Variants in PLEKHG1 observed in about 807,000 individuals in gnomAD.
PLEKHG1 encodes pleckstrin homology and RhoGEF domain containing G1, also known as pleckstrin homology domain-containing family G member 1.
Under a neutral mutation model 100.8 loss-of-function variants are expected in PLEKHG1, and 44 were observed. The ratio of observed to expected loss-of-function variants is 0.44; its 90% CI spans 0.34 to 0.56. The LOEUF (loss-of-function observed/expected upper bound fraction) is 0.56. Ranked by LOEUF, PLEKHG1 falls within the 20% of genes least tolerant of loss-of-function variation. PLEKHG1 has a pLI of 0.01. For synonymous variants in PLEKHG1, 640 were observed against 662.5 expected, an observed-to-expected ratio of 0.97 and a Z score of 0.52; for missense variants, 1,545 against 1,720.9, an observed-to-expected ratio of 0.90 and a Z score of 1.81.
At chr6:150,741,325 T>G (rs1400049251) in intron 2 of PLEKHG1, among the ~76,000 whole-genome samples, 4 of 152,182 alleles carry the variant, frequency 2.6e-5, no homozygotes, top group Non-Finnish European at 5.9e-5. Flanking sequence ...TGATGTCAGG[T>G]TGGGTTATTT....
intron 2 of PLEKHG1, among the ~76,000 whole-genome samples, chr6:150,736,273 G>A (rs1232697358): frequency 6.6e-6 from 1 of 152,238 alleles, no homozygotes; most frequent in South Asian, 2.1e-4. Flanking sequence ...CTGTCAGATG[G>A]GACTAATAAG....
In PLEKHG1 at chr6:150,795,838, T is replaced by C. The variant is rs1482833326; in HGVS notation, c.583-18T>C. ...TTGTGCTTTGTTGCCTATAAAAATT[T>C]CTTTTGTTTCCTTGCAGAGTGAAGA... is the stretch of plus-strand genomic sequence containing the variant. On this transcript the variant is annotated intron_variant, in intron 4 of 15. Coordinates refer to ENST00000358517, the Ensembl canonical transcript of PLEKHG1. 2 of 1,542,232 alleles carry C rather than the reference T, an allele frequency of 1.3e-6. No individual in the cohort carries two copies. The highest frequency in any genetic ancestry group is 1.8e-6 in the Non-Finnish European group (2 of 1,116,422).
At chr6:150,654,412 G>A (rs1034504254) in intron 3 of PLEKHG1, among the ~76,000 whole-genome samples, 3 of 152,152 alleles carry the variant, frequency 2.0e-5, no homozygotes, top group African/African-American at 7.2e-5. Flanking sequence ...ATGCGGCAGC[G>A]CTCTTCCCTG....
At chr6:150,744,064 T>C (rs2128624291) in intron 2 of PLEKHG1, among the ~76,000 whole-genome samples, 1 of 152,304 alleles carries the variant, frequency 6.6e-6, no homozygotes, top group African/African-American at 2.4e-5. Flanking sequence ...TCTTACTTTT[T>C]ATTTTTTATT....
At chr6:150,652,750 G>A in intron 3 of PLEKHG1, among the ~76,000 whole-genome samples, 1 of 150,712 alleles carries the variant, frequency 6.6e-6, no homozygotes, top group East Asian at 1.9e-4. Flanking sequence ...AAAGGAAAAA[G>A]GTTTATACTT....
exon 16 of PLEKHG1, chr6:150,840,959 G>A: frequency 7.9e-7 from 1 of 1,258,772 alleles, no homozygotes; most frequent in South Asian, 1.2e-5. Context: ...TACAGATACT[G>A]ATGAGGTGTT....
chr6:150,756,619 G>A (rs536354983), intron 2 of PLEKHG1, among the ~76,000 whole-genome samples: 1 of 152,230 alleles, frequency 6.6e-6, no homozygotes, highest in South Asian at 2.1e-4. Context: ...ATTTTGAGGG[G>A]CATTACCAAT....
intron 1 of PLEKHG1, among the ~76,000 whole-genome samples, chr6:150,618,847 A>G (rs559342181): frequency 2.8e-4 from 42 of 152,282 alleles, no homozygotes; most frequent in African/African-American, 1.0e-3. Context: ...GGAAGTCAAG[A>G]TGGGGAGGAT....
intron 3 of PLEKHG1, among the ~76,000 whole-genome samples, chr6:150,771,160 C>T (rs556550723): frequency 6.2e-4 from 95 of 152,242 alleles, no homozygotes; most frequent in African/African-American, 2.3e-3. Context: ...CACCTGTAAT[C>T]CCAGCACTTT....
At chr6:150,807,100 C>T (rs1262884090) in intron 7 of PLEKHG1, among the ~76,000 whole-genome samples, 1 of 152,126 alleles carries the variant, frequency 6.6e-6, no homozygotes, top group African/African-American at 2.4e-5. Flanking sequence ...ATTATGGCCC[C>T]AAAGCACAGA....
At chr6:150,771,082 A>G (rs943690945) in intron 3 of PLEKHG1, among the ~76,000 whole-genome samples, 22 of 152,164 alleles carry the variant, frequency 1.4e-4, no homozygotes, top group African/African-American at 5.3e-4. Context: ...CTTAATCGCT[A>G]GAGTTTAAAT....
intron 1 of PLEKHG1, among the ~76,000 whole-genome samples, chr6:150,617,638 G>C (rs914111301): frequency 6.6e-6 from 1 of 152,134 alleles, no homozygotes; most frequent in African/African-American, 2.4e-5. Context: ...ATCTCTTTCC[G>C]GCTGCCGAAG....
intron 3 of PLEKHG1, among the ~76,000 whole-genome samples, chr6:150,770,112 G>T (rs1042930639): frequency 6.6e-6 from 1 of 152,226 alleles, no homozygotes; most frequent in African/African-American, 2.4e-5. Context: ...CACAGAGGAA[G>T]TACCAAAATA....
In PLEKHG1 at chr6:150,831,944, A is replaced by G; in HGVS notation, c.2833A>G (p.Asn945Asp). ...GGCTAGTGAAATGCCCCTCATGGAC[A>G]ATCCCTACGACCTGGCCAACAGTGG... The change falls in exon 15 of 16, where the codon AAT becomes GAT. Residue 945 changes from asparagine to aspartate, a missense_variant. Coordinates refer to ENST00000358517, the Ensembl canonical transcript of PLEKHG1. The surrounding 1 kb of genome is among the most constrained non-coding windows in gnomAD (Gnocchi z 4.1). The G allele has an allele frequency of 6.2e-7, 1 of 1,613,772 alleles. No homozygotes were observed. The highest frequency in any genetic ancestry group is 8.5e-7 in the Non-Finnish European group (1 of 1,179,702).
At chr6:150,723,315 C>T (rs1184235037) in intron 1 of PLEKHG1, among the ~76,000 whole-genome samples, 2 of 152,178 alleles carry the variant, frequency 1.3e-5, no homozygotes, top group Non-Finnish European at 1.5e-5. Context: ...ATTTAATTTC[C>T]GGTTGGTTCT....
At chr6:150,651,435 C>T (rs954638039) in intron 3 of PLEKHG1, among the ~76,000 whole-genome samples, 1 of 152,142 alleles carries the variant, frequency 6.6e-6, no homozygotes, top group Admixed American at 6.5e-5. Flanking sequence ...GGTTTCACCA[C>T]GTTGGCCAGG....
intron 2 of PLEKHG1, among the ~76,000 whole-genome samples, chr6:150,644,334 GTTTT>G (rs57840463): frequency 1.7e-5 from 2 of 117,618 alleles, no homozygotes; most frequent in African/African-American, 7.0e-5. Flanking sequence ...TTCTTTTCGT[GTTTT>G]TTTTTTTTTT....
chr6:150,761,800 T>G (rs985938662), intron 2 of PLEKHG1, among the ~76,000 whole-genome samples: 1 of 152,248 alleles, frequency 6.6e-6, no homozygotes, highest in Non-Finnish European at 1.5e-5. Flanking sequence ...CTACTCATCA[T>G]TTCTATTTTT....
chr6:150,732,186 TTG>T (rs1297930794), intron 1 of PLEKHG1, among the ~76,000 whole-genome samples: 7 of 150,094 alleles, frequency 4.7e-5, no homozygotes, highest in African/African-American at 1.8e-4. Context: ...CCTTTTGACT[TTG>T]CAGATAGTTT....
Sources: gnomAD v4.1 joint callset for allele counts (sites outside exome capture counted in the v4.1 genomes callset) on GRCh38, gnomAD v4.1.1 for gene constraint, Gnocchi (gnomAD v3.1) non-coding constraint, MANE v1.5 for transcripts, NCBI Gene and HGNC (gene_info 2026-07-23, HGNC 2026-07-21) for gene names.